SORCS3: variants seen among roughly 807,000 people sequenced by gnomAD.
The protein encoded by SORCS3 is VPS10 domain-containing receptor SorCS3.
In SORCS3, 57 loss-of-function variants were observed where a neutral mutation model predicts 146.3. That is an observed-to-expected ratio of 0.39 (90% CI 0.31 to 0.49). The LOEUF (loss-of-function observed/expected upper bound fraction) is 0.49. Among genes scored for constraint, SORCS3 ranks in the 20% least tolerant of loss-of-function variants. SORCS3 has a pLI of 0.92. For missense variants in SORCS3, 1,341 were observed against 1,575.5 expected, an observed-to-expected ratio of 0.85 and a Z score of 2.52; for synonymous variants, 653 against 618.5, an observed-to-expected ratio of 1.06 and a Z score of -0.83.
chr10:105,217,057 A>G lies in SORCS3; in HGVS notation c.2669A>G (p.Gln890Arg). The change falls in exon 19 of 27, where the codon CAG becomes CGG. Residue 890 changes from glutamine to arginine, a missense_variant. Coordinates refer to ENST00000369701, the MANE Select transcript of SORCS3 (RefSeq NM_014978.3). ...GTGTATAAGAGTGCGGGGATCTTCC[A>G]GGTGACAGCCTATGCAGAGAACAAC... is the stretch of plus-strand genomic sequence containing the variant. Reference protein sequence around the residue: ...KHVYKSAGIFQVTAYAENNLG... With the variant: ...KHVYKSAGIFRVTAYAENNLG... 1.2e-6 allele frequency: 2 copies of G among 1,614,206 alleles called. No individual in the cohort carries two copies. Among genetic ancestry groups the G allele is most frequent in the South Asian group, 2.2e-5 (2 of 91,082 alleles).
chr10:105,243,518 G>A (rs531111684), intron 20 of SORCS3, among the ~76,000 whole-genome samples: 1 of 152,172 alleles, frequency 6.6e-6, no homozygotes, highest in Admixed American at 6.5e-5. Context: ...TTGACCCTTT[G>A]GATTTTATAT....
chr10:104,824,748 G>C (rs912397058), intron 1 of SORCS3, among the ~76,000 whole-genome samples: 2 of 152,220 alleles, frequency 1.3e-5, no homozygotes, highest in Non-Finnish European at 2.9e-5. Flanking sequence ...GCTGCTTCCA[G>C]TCTGGAGAGA....
chr10:104,779,480 G>A (rs564625016), intron 1 of SORCS3, among the ~76,000 whole-genome samples: 1 of 152,264 alleles, frequency 6.6e-6, no homozygotes, highest in Non-Finnish European at 1.5e-5. Flanking sequence ...AAATATACGA[G>A]AGAAAATGTT....
chr10:105,160,392 C>T (rs1159441674), intron 11 of SORCS3, among the ~76,000 whole-genome samples: 4 of 152,074 alleles, frequency 2.6e-5, no homozygotes, highest in African/African-American at 4.8e-5. Context: ...GTTGGGAGGC[C>T]GAGGCAGGTG....
intron 1 of SORCS3, among the ~76,000 whole-genome samples, chr10:104,743,226 A>G (rs995616980): frequency 5.9e-5 from 9 of 152,176 alleles, no homozygotes; most frequent in African/African-American, 1.9e-4. Flanking sequence ...AGTAAGTGCC[A>G]GGTGTTTGCA....
intron 2 of SORCS3, among the ~76,000 whole-genome samples, chr10:104,879,699 A>T (rs2018612376): frequency 6.6e-6 from 1 of 152,156 alleles, no homozygotes; most frequent in African/African-American, 2.4e-5. Context: ...GGGCCACTTG[A>T]TGAGCAAAAG....
intron 1 of SORCS3, among the ~76,000 whole-genome samples, chr10:104,753,709 A>G (rs2017014489): frequency 6.6e-6 from 1 of 152,170 alleles, no homozygotes; most frequent in African/African-American, 2.4e-5. Flanking sequence ...GCTTTTTCAA[A>G]GGACTTCCTT....
At chr10:105,196,716 C>T (rs2056546232) in intron 14 of SORCS3, among the ~76,000 whole-genome samples, 2 of 152,188 alleles carry the variant, frequency 1.3e-5, no homozygotes, top group South Asian at 2.1e-4. Context: ...CCTCACTGCA[C>T]TTAGGAATCC....
At chr10:104,760,107 A>G (rs1330417725) in intron 1 of SORCS3, among the ~76,000 whole-genome samples, 4 of 152,180 alleles carry the variant, frequency 2.6e-5, no homozygotes, top group Non-Finnish European at 4.4e-5. Flanking sequence ...GCAAAGGCCC[A>G]GAGGAGGGAC....
intron 1 of SORCS3, among the ~76,000 whole-genome samples, chr10:104,785,021 G>T (rs949994548): frequency 6.6e-6 from 1 of 152,018 alleles, no homozygotes; most frequent in Non-Finnish European, 1.5e-5. Context: ...CAGTAGGGGC[G>T]GCCGGGCAGA....
intron 1 of SORCS3, among the ~76,000 whole-genome samples, chr10:104,792,896 A>T (rs2017511340): frequency 6.6e-6 from 1 of 152,020 alleles, no homozygotes; most frequent in Non-Finnish European, 1.5e-5. Flanking sequence ...TCTTACTTTA[A>T]GATTAAGTTA....
At chr10:104,759,794 G>T (rs568636623) in intron 1 of SORCS3, among the ~76,000 whole-genome samples, 10 of 152,260 alleles carry the variant, frequency 6.6e-5, no homozygotes, top group African/African-American at 2.2e-4. Flanking sequence ...TCGAGGATCT[G>T]TCACGGCCTG....
At chr10:105,140,932 GAGA>G (rs1224960916) in intron 8 of SORCS3, among the ~76,000 whole-genome samples, 1 of 152,110 alleles carries the variant, frequency 6.6e-6, no homozygotes, top group African/African-American at 2.4e-5. Context: ...TTCCAGCTTG[GAGA>G]AGGTTAGAAA....
intron 5 of SORCS3, among the ~76,000 whole-genome samples, chr10:105,055,257 T>G (rs2055438652): frequency 6.6e-6 from 1 of 152,204 alleles, no homozygotes; most frequent in Non-Finnish European, 1.5e-5. Flanking sequence ...AACCTTGAGA[T>G]ACATACGTAA....
rs113226481 is a variant in SORCS3, at chr10:104,985,136, C to T, written c.954+7643C>T. The stretch of plus-strand genomic sequence containing the variant: ...TGACAGTTTTTTACCCACAGTATAA[C>T]TTCTTTCAAAATTGGAGTCAATCCT... On this transcript the variant is annotated intron_variant, in intron 4 of 26. Coordinates refer to ENST00000369701, the MANE Select transcript of SORCS3 (RefSeq NM_014978.3). Among the ~76,000 whole-genome samples the T allele has an allele frequency of 2.0e-3, 303 of 152,282 alleles. 3 individuals are homozygous for T. Among genetic ancestry groups the T allele is most frequent in the African/African-American group, 6.9e-3 (285 of 41,566 alleles).
chr10:105,178,257 AC>A (rs1387480206), intron 14 of SORCS3, 84 bp downstream of exon 14: 3 of 1,076,978 alleles, frequency 2.8e-6, no homozygotes, highest in South Asian at 3.2e-5. Flanking sequence ...TTCCCAGGGA[AC>A]CCTACACCAA....
intron 2 of SORCS3, among the ~76,000 whole-genome samples, chr10:104,911,239 C>T (rs150504825): frequency 9.8e-5 from 15 of 152,314 alleles, no homozygotes; most frequent in Non-Finnish European, 2.2e-4. Flanking sequence ...AGGACAGAGT[C>T]GAGGGCACTG....
chr10:105,207,147 CTGTCAGCT>C (rs1277543805), intron 16 of SORCS3, among the ~76,000 whole-genome samples: 3 of 152,140 alleles, frequency 2.0e-5, no homozygotes, highest in Non-Finnish European at 4.4e-5. Context: ...ACCTCTGCCA[CTGTCAGCT>C]GTGTACAATC....
At chr10:105,033,721 G>A (rs1034785046) in intron 4 of SORCS3, among the ~76,000 whole-genome samples, 1 of 152,068 alleles carries the variant, frequency 6.6e-6, no homozygotes, top group African/African-American at 2.4e-5. Flanking sequence ...AAAGAGAGAT[G>A]GTGTTTATAG....
Sources: allele counts gnomAD v4.1 joint callset (sites outside exome capture counted in the v4.1 genomes callset), GRCh38; gene constraint gnomAD v4.1.1; transcripts MANE v1.5; gene names NCBI Gene and HGNC (gene_info 2026-07-23, HGNC 2026-07-21).